The following PTPRM variants were observed in gnomAD, a reference collection of about 807,000 sequenced individuals.
The protein encoded by PTPRM is protein tyrosine phosphatase receptor type M.
A neutral mutation model predicts 186.7 loss-of-function variants in PTPRM; 47 were observed. That is an observed-to-expected ratio of 0.25 (90% confidence interval 0.20 to 0.32). PTPRM has a LOEUF of 0.32. Ranked by LOEUF, PTPRM falls within the 10% of genes least tolerant of loss-of-function variation. The pLI is 1.00. For missense variants in PTPRM, 1,494 were observed against 1,865.0 expected (o/e 0.80, Z 3.66); for synonymous variants, 668 against 674.9 (o/e 0.99, Z 0.16).
intron 2 of PTPRM, among the ~76,000 whole-genome samples, chr18:7,781,835 GT>G (rs2042870418): frequency 2.0e-5 from 3 of 152,142 alleles, no homozygotes; most frequent in East Asian, 3.9e-4. Context: ...AATAATTCCA[GT>G]CACTGAACCC....
rs527286768 is a variant in PTPRM, at chr18:8,210,887, A to T, written c.2301-33171A>T. ...ACCAGGAAGGATAGTTCCCAAGTAA[A>T]TAAAGTGTTCTAAGGAGAAAGGAAC... On this transcript the variant is annotated intron_variant, in intron 14 of 32. Transcript: ENST00000580170. Among the ~76,000 whole-genome samples, 182 of 152,184 alleles carry T rather than the reference A, an allele frequency of 1.2e-3. 1 individual carries two copies. The highest frequency in any genetic ancestry group is 2.2e-3 in the Non-Finnish European group (150 of 68,042).
intron 2 of PTPRM, among the ~76,000 whole-genome samples, chr18:7,879,834 T>A (rs2048414941): frequency 6.6e-6 from 1 of 152,156 alleles, no homozygotes; most frequent in Admixed American, 6.5e-5. Context: ...TCAGCTGCTG[T>A]CCCTGGTGAG....
intron 32 of PTPRM, 112 bp from the exon 33 acceptor site, chr18:8,405,997 A>G (rs2095904253): frequency 2.1e-6 from 2 of 954,182 alleles, no homozygotes; most frequent in Non-Finnish European, 3.4e-6. Context: ...TTTCTAATTC[A>G]AATCCTCCCA....
At chr18:7,651,051 C>G (rs1458623093) in intron 1 of PTPRM, among the ~76,000 whole-genome samples, 1 of 151,708 alleles carries the variant, frequency 6.6e-6, no homozygotes, top group African/African-American at 2.4e-5. Context: ...CCTGCCTCAG[C>G]CTCCCTAGTA....
intron 7 of PTPRM, among the ~76,000 whole-genome samples, chr18:7,974,540 G>A (rs2054803103): frequency 6.6e-6 from 1 of 152,176 alleles, no homozygotes; most frequent in African/African-American, 2.4e-5. Flanking sequence ...TAACAATGAG[G>A]AAATTTATTA....
chr18:7,937,001 C>G (rs1254780118), intron 5 of PTPRM, among the ~76,000 whole-genome samples: 4 of 152,152 alleles, frequency 2.6e-5, no homozygotes, highest in Non-Finnish European at 5.9e-5. Context: ...TGTTGGGACA[C>G]CCTCACTGTG....
chr18:7,606,206 A>G (rs1013031372), intron 1 of PTPRM, among the ~76,000 whole-genome samples: 5 of 152,098 alleles, frequency 3.3e-5, no homozygotes, highest in African/African-American at 1.2e-4. Flanking sequence ...GTTTAAAGCT[A>G]GAGAAGCAAG....
At chr18:8,358,332 T>C (rs2095576258) in intron 23 of PTPRM, among the ~76,000 whole-genome samples, 1 of 152,064 alleles carries the variant, frequency 6.6e-6, no homozygotes, top group Non-Finnish European at 1.5e-5. Flanking sequence ...AGAAATGTTC[T>C]TTGCTTTGTT....
At chr18:7,599,211 T>C (rs935739682) in intron 1 of PTPRM, among the ~76,000 whole-genome samples, 1 of 152,176 alleles carries the variant, frequency 6.6e-6, no homozygotes, top group African/African-American at 2.4e-5. Context: ...GAAAATAAGG[T>C]GAACTCATTG....
intron 7 of PTPRM, among the ~76,000 whole-genome samples, chr18:8,048,669 T>C (rs1046440216): frequency 6.6e-6 from 1 of 152,146 alleles, no homozygotes; most frequent in African/African-American, 2.4e-5. Flanking sequence ...TGTGGTCTTT[T>C]GTGAAACCAT....
At chr18:8,097,531 G>T (rs1412590559) in intron 11 of PTPRM, among the ~76,000 whole-genome samples, 1 of 152,200 alleles carries the variant, frequency 6.6e-6, no homozygotes, top group African/African-American at 2.4e-5. Context: ...CTACTGTTCA[G>T]TTATTCTTCA....
chr18:8,168,760 T>C (rs1023940849), intron 14 of PTPRM, among the ~76,000 whole-genome samples: 1 of 152,216 alleles, frequency 6.6e-6, no homozygotes, highest in East Asian at 1.9e-4. Context: ...CATCTACTCC[T>C]TTCTTACTAT....
chr18:8,206,014 C>G (rs566412824), intron 14 of PTPRM, among the ~76,000 whole-genome samples: 1 of 152,060 alleles, frequency 6.6e-6, no homozygotes, highest in Admixed American at 6.5e-5. Flanking sequence ...AAGAACTATA[C>G]ATATTGAAAG....
rs1004176351 is a variant in PTPRM at position 7,711,955 on chromosome 18, A to G, written c.74-62194A>G. ...CCTGATGGAACTGAAGAGAGCAGCA[A>G]ATCTCCTAGCACAGCATTCAAGCTC... On this transcript the variant is annotated intron_variant, in intron 1 of 32. Coordinates refer to ENST00000580170, the MANE Select transcript of PTPRM (RefSeq NM_001105244.2). Among the ~76,000 whole-genome samples, 54 of 152,170 alleles carry G rather than the reference A, an allele frequency of 3.5e-4. 1 individual carries two copies. Among genetic ancestry groups the G allele is most frequent in the Non-Finnish European group, 1.5e-5 (1 of 68,040 alleles).
chr18:8,044,169 A>G (rs370249318), intron 7 of PTPRM, among the ~76,000 whole-genome samples: 1 of 152,214 alleles, frequency 6.6e-6, no homozygotes, highest in Non-Finnish European at 1.5e-5. Context: ...GTTGAGGCCT[A>G]GTCAACAAGA....
intron 2 of PTPRM, among the ~76,000 whole-genome samples, chr18:7,829,439 GATTACTAACTT>G (rs2045652725): frequency 1.3e-5 from 2 of 152,162 alleles, no homozygotes; most frequent in African/African-American, 4.8e-5. Context: ...GCCAAAACTA[GATTACTAACTT>G]AAAGTGACAT....
At chr18:7,574,787 T>G (rs924368368) in intron 1 of PTPRM, among the ~76,000 whole-genome samples, 9 of 152,194 alleles carry the variant, frequency 5.9e-5, no homozygotes, top group African/African-American at 2.2e-4. Flanking sequence ...ATCCCAATAC[T>G]TTGGGAGGCC....
chr18:8,227,336 C>T (rs1434038781), intron 14 of PTPRM, among the ~76,000 whole-genome samples: 3 of 152,210 alleles, frequency 2.0e-5, no homozygotes, highest in African/African-American at 7.2e-5. Flanking sequence ...TACTGCTTTC[C>T]ATGCCAGTTG....
At chr18:7,812,014 A>G (rs2044545779) in intron 2 of PTPRM, among the ~76,000 whole-genome samples, 1 of 152,216 alleles carries the variant, frequency 6.6e-6, no homozygotes, top group South Asian at 2.1e-4. Context: ...TTTATATAAT[A>G]GTTATGTCCA....
Sources: gnomAD v4.1 joint callset for allele counts (sites outside exome capture counted in the v4.1 genomes callset) on GRCh38, gnomAD v4.1.1 for gene constraint, MANE v1.5 for transcripts, NCBI Gene and HGNC (gene_info 2026-07-23, HGNC 2026-07-21) for gene names.